The following SBF2 variants were observed in gnomAD, a reference collection of about 807,000 sequenced individuals.
SBF2 encodes myotubularin-related protein 13.
A neutral mutation model predicts 225.2 loss-of-function variants in SBF2; 112 were observed. The observed-to-expected ratio is 0.50, with a 90% CI of 0.43 to 0.58. SBF2 has a LOEUF of 0.58. SBF2 is among the 20% of genes least tolerant of loss of function. SBF2 has a pLI of 0.00. For missense variants in SBF2, 1,996 were observed against 2,206.2 expected (o/e 0.90, Z 1.91); for synonymous variants, 763 against 773.3 (o/e 0.99, Z 0.22).
chr11:10,217,123 CAA>C (rs1195104259), intron 1 of SBF2, among the ~76,000 whole-genome samples: 1 of 151,944 alleles, frequency 6.6e-6, no homozygotes, highest in Non-Finnish European at 1.5e-5. Flanking sequence ...TCTAGACTGA[CAA>C]TATTAAATAT....
chr11:9,848,624 C>T (rs1439330947), intron 22 of SBF2, among the ~76,000 whole-genome samples: 1 of 152,206 alleles, frequency 6.6e-6, no homozygotes, highest in Non-Finnish European at 1.5e-5. Context: ...TTTACGTGTC[C>T]AAAATGTGTG....
chr11:9,953,303 G>A (rs1302735507), intron 16 of SBF2, among the ~76,000 whole-genome samples: 1 of 152,140 alleles, frequency 6.6e-6, no homozygotes, highest in Non-Finnish European at 1.5e-5. Flanking sequence ...AATTGGCCAG[G>A]CGTGGTGGCA....
At chr11:10,092,211 A>C (rs1380527244) in intron 2 of SBF2, among the ~76,000 whole-genome samples, 1 of 152,210 alleles carries the variant, frequency 6.6e-6, no homozygotes, top group Non-Finnish European at 1.5e-5. Flanking sequence ...CCAAGGGAAC[A>C]GTAAGGGTCT....
chr11:9,985,822 C>T (rs112283472), intron 13 of SBF2, among the ~76,000 whole-genome samples: 8,681 of 152,106 alleles, frequency 0.057, 320 homozygotes, highest in Middle Eastern at 0.18. Flanking sequence ...TAGACAGCAA[C>T]ACAATAATAG....
At chr11:10,251,933 A>G (rs1408195159) in intron 1 of SBF2, among the ~76,000 whole-genome samples, 1 of 152,164 alleles carries the variant, frequency 6.6e-6, no homozygotes, top group African/African-American at 2.4e-5. Context: ...AAATGGGGAA[A>G]TTTTTTTAAA....
intron 16 of SBF2, among the ~76,000 whole-genome samples, chr11:9,920,683 T>C (rs1009138722): frequency 2.0e-5 from 3 of 152,174 alleles, no homozygotes; most frequent in African/African-American, 4.8e-5. Flanking sequence ...CCCTTCAAAG[T>C]ACTGGTTTTA....
In SBF2 at chr11:9,789,291, T is replaced by C. The variant is rs141187925; in HGVS notation, c.4750A>G (p.Ile1584Val). The C allele has an allele frequency of 3.1e-6, 5 of 1,614,098 alleles. No homozygotes were observed. The African/African-American group carries it at 4.0e-5, about 13-fold the overall frequency. Reference sequence around the variant, plus strand: ...GGGCCTGTGGACAGGGTCTCTTCTATGTAGTAATCCCACTTCTTGAGGCTA... The same window carrying C: ...GGGCCTGTGGACAGGGTCTCTTCTACGTAGTAATCCCACTTCTTGAGGCTA... ...VSSLKKWDYYIEETLSTGPSY... is the reference protein window; with the variant it reads ...VSSLKKWDYYVEETLSTGPSY... The change falls in exon 35 of 40, where the codon ATA (isoleucine) becomes GTA (valine). Residue 1584 changes from isoleucine (I) to valine (V), a missense_variant. Coordinates refer to ENST00000256190, the MANE Select transcript of SBF2 (RefSeq NM_030962.4).
At chr11:9,940,817 T>C (rs1865209237) in intron 16 of SBF2, among the ~76,000 whole-genome samples, 1 of 151,478 alleles carries the variant, frequency 6.6e-6, no homozygotes, top group African/African-American at 2.4e-5. Context: ...CTTAGATGAA[T>C]GGAAATAATA....
intron 1 of SBF2, among the ~76,000 whole-genome samples, chr11:10,219,597 G>A (rs144201323): frequency 6.6e-4 from 100 of 152,226 alleles, no homozygotes; most frequent in African/African-American, 2.3e-3. Context: ...CTTTTCTATT[G>A]CATTGTCAGG....
Position 10,115,873 on chromosome 11 carries a change from T to A in SBF2, c.142-72892A>T, listed in dbSNP as rs114339381. 2.5e-3 allele frequency among the ~76,000 whole-genome samples: 381 copies of A among 152,210 alleles called. 4 individuals are homozygous for A. Among genetic ancestry groups the A allele is most frequent in the African/African-American group, 8.8e-3 (364 of 41,518 alleles). On this transcript the variant is annotated intron_variant, in intron 2 of 39. Coordinates refer to ENST00000256190, the MANE Select transcript of SBF2 (RefSeq NM_030962.4). ...CAAACACAATTGTACATATAAAATA[T>A]TTGTTTATCTGGGCCAGGTGCGGTG...
At chr11:10,146,609 C>A (rs1280495629) in intron 2 of SBF2, among the ~76,000 whole-genome samples, 2 of 152,074 alleles carry the variant, frequency 1.3e-5, no homozygotes, top group African/African-American at 4.8e-5. Flanking sequence ...AAACCCAAAA[C>A]AATAAAAACC....
intron 16 of SBF2, among the ~76,000 whole-genome samples, chr11:9,897,595 T>C (rs1249719165): frequency 6.6e-6 from 1 of 152,168 alleles, no homozygotes; most frequent in African/African-American, 2.4e-5. Flanking sequence ...TCCAGAATAG[T>C]GCCCACAATG....
chr11:10,292,938 G>A (rs969614466), intron 1 of SBF2, among the ~76,000 whole-genome samples: 7 of 152,168 alleles, frequency 4.6e-5, no homozygotes, highest in Non-Finnish European at 7.3e-5. Context: ...CTAAAGGAGA[G>A]GAAGTTCTTA....
At chr11:10,224,299 A>C (rs1007388455) in intron 1 of SBF2, among the ~76,000 whole-genome samples, 1 of 152,114 alleles carries the variant, frequency 6.6e-6, no homozygotes, top group African/African-American at 2.4e-5. Flanking sequence ...CTATATTTTG[A>C]ATGCATACAT....
At chr11:10,064,835 G>T (rs1950575028) in intron 2 of SBF2, among the ~76,000 whole-genome samples, 1 of 152,112 alleles carries the variant, frequency 6.6e-6, no homozygotes, top group African/African-American at 2.4e-5. Flanking sequence ...TTCAGTCAAA[G>T]ATTTCAAAAC....
At chr11:10,302,367 T>TCG (rs1223115854) in intron 1 of SBF2, among the ~76,000 whole-genome samples, 1 of 152,224 alleles carries the variant, frequency 6.6e-6, no homozygotes, top group Admixed American at 6.5e-5. Flanking sequence ...GGGTGCGCGC[T>TCG]CGCGCACACA....
At chr11:10,061,045 TAAAC>T (rs1013423387) in intron 2 of SBF2, among the ~76,000 whole-genome samples, 25 of 151,496 alleles carry the variant, frequency 1.7e-4, no homozygotes, top group African/African-American at 5.1e-4. Flanking sequence ...AATAAATAAA[TAAAC>T]AAATAAATCT....
chr11:10,201,353 C>T (rs575785185), intron 1 of SBF2, among the ~76,000 whole-genome samples: 8 of 152,108 alleles, frequency 5.3e-5, no homozygotes, highest in Admixed American at 1.3e-4. Context: ...AATGCCAAGA[C>T]AGCCAGAAAA....
chr11:10,135,875 T>C (rs776776173), intron 2 of SBF2, among the ~76,000 whole-genome samples: 2 of 152,152 alleles, frequency 1.3e-5, no homozygotes, highest in Non-Finnish European at 2.9e-5. Context: ...CCAAAGTTGC[T>C]TCCACATTTT....
Sources: allele counts gnomAD v4.1 joint callset (sites outside exome capture counted in the v4.1 genomes callset), GRCh38; gene constraint gnomAD v4.1.1; transcripts MANE v1.5; gene names NCBI Gene and HGNC (gene_info 2026-07-23, HGNC 2026-07-21).